DPP6: variants seen among roughly 807,000 people sequenced by gnomAD.
DPP6 encodes A-type potassium channel modulatory protein DPP6.
In DPP6, 69 loss-of-function variants were observed where a neutral mutation model predicts 122.6. The ratio of observed to expected loss-of-function variants is 0.56; its 90% CI spans 0.46 to 0.69. The LOEUF is 0.69. Ranked by LOEUF, DPP6 falls within the 30% of genes least tolerant of loss-of-function variation. The pLI, the probability that DPP6 is intolerant of heterozygous loss-of-function variation, is 0.00. For synonymous variants in DPP6, 418 were observed against 433.1 expected, an observed-to-expected ratio of 0.97 and a Z score of 0.43; for missense variants, 928 against 1,116.9, an observed-to-expected ratio of 0.83 and a Z score of 2.41.
intron 1 of DPP6, among the ~76,000 whole-genome samples, chr7:154,356,599 T>G (rs1811288201): frequency 1.3e-5 from 2 of 151,910 alleles, no homozygotes; most frequent in African/African-American, 4.8e-5. Flanking sequence ...AAATTCTAAC[T>G]TATTATATCA....
chr7:154,075,431 A>T (rs1488069605), intron 1 of DPP6, among the ~76,000 whole-genome samples: 1 of 151,992 alleles, frequency 6.6e-6, no homozygotes, highest in Non-Finnish European at 1.5e-5. Flanking sequence ...CAAGGAGTAG[A>T]GAAAGAAAAT....
the DPP6 span, among the ~76,000 whole-genome samples, chr7:153,852,893 T>C: frequency 6.6e-5 from 10 of 152,178 alleles, no homozygotes; most frequent in Admixed American, 1.3e-4. Context: ...TGATAAATAC[T>C]ATTTTAGGCC....
intron 5 of DPP6, among the ~76,000 whole-genome samples, chr7:154,583,056 G>C (rs1832185525): frequency 6.6e-6 from 1 of 152,170 alleles, no homozygotes; most frequent in Non-Finnish European, 1.5e-5. Context: ...TGCTGCCCCT[G>C]AGCCCACTGG....
At chr7:154,694,891 C>T (rs754564041) in intron 7 of DPP6, among the ~76,000 whole-genome samples, 1 of 152,116 alleles carries the variant, frequency 6.6e-6, no homozygotes, top group South Asian at 2.1e-4. Flanking sequence ...ACCTTCTCCT[C>T]GTGCCACACA....
At chr7:154,497,287 A>G (rs893158902) in intron 3 of DPP6, among the ~76,000 whole-genome samples, 6 of 152,118 alleles carry the variant, frequency 3.9e-5, no homozygotes, top group Non-Finnish European at 8.8e-5. Flanking sequence ...GGTGAGAAGA[A>G]GGGAGTGTTG....
chr7:154,868,968 A>G (rs1253673004), intron 18 of DPP6, among the ~76,000 whole-genome samples: 1 of 152,226 alleles, frequency 6.6e-6, no homozygotes, highest in Non-Finnish European at 1.5e-5. Flanking sequence ...TCATTCATGC[A>G]GACACCACTT....
chr7:154,071,433 C>T (rs1172977921), intron 1 of DPP6, among the ~76,000 whole-genome samples: 4 of 152,246 alleles, frequency 2.6e-5, no homozygotes, highest in East Asian at 1.9e-4. Context: ...TTTCTAAAGC[C>T]GTATTCCTTC....
At chr7:153,843,927 A>AT in the DPP6 span, among the ~76,000 whole-genome samples, 1 of 152,174 alleles carries the variant, frequency 6.6e-6, no homozygotes, top group East Asian at 1.9e-4. Flanking sequence ...GAGGCCTAGA[A>AT]GAGCTGCGGC....
chr7:153,899,193 T>TCTCCTC (rs796084342), intron 1 of DPP6, among the ~76,000 whole-genome samples: 1 of 151,090 alleles, frequency 6.6e-6, no homozygotes, highest in South Asian at 2.1e-4. Flanking sequence ...TCCTCTTCCT[T>TCTCCTC]CTCCTCCTCC....
chr7:154,138,482 C>G lies in DPP6; in HGVS notation c.243+85419C>G, dbSNP rs1206638480. ...AGACTAATTCTGCTCAAGAACAGCT[C>G]AAATGGAAAGCTCAGATCCACAGGG... On this transcript the variant is annotated intron_variant, in intron 1 of 25. Transcript: ENST00000377770. Among the ~76,000 whole-genome samples the G allele has an allele frequency of 3.3e-5, 5 of 152,144 alleles. No individual in the cohort carries two copies. In the South Asian group the frequency reaches 6.2e-4, roughly 19 times the overall value.
chr7:153,892,168 G>C (rs568802281), intron 1 of DPP6, among the ~76,000 whole-genome samples: 1 of 152,104 alleles, frequency 6.6e-6, no homozygotes, highest in Non-Finnish European at 1.5e-5. Flanking sequence ...GTTCTCTTTC[G>C]GGCATTTGAC....
At chr7:154,679,167 A>G (rs59812878) in intron 7 of DPP6, among the ~76,000 whole-genome samples, 16,233 of 152,082 alleles carry the variant, frequency 0.11, 939 homozygotes, top group East Asian at 0.15. Flanking sequence ...CACCATCCAC[A>G]GTGTACCTGT....
chr7:154,142,485 T>G (rs2150664945), intron 1 of DPP6, among the ~76,000 whole-genome samples: 1 of 152,290 alleles, frequency 6.6e-6, no homozygotes, highest in South Asian at 2.1e-4. Flanking sequence ...TTTTGTTAGG[T>G]TGGGGGCAGG....
intron 5 of DPP6, among the ~76,000 whole-genome samples, chr7:154,623,529 A>C (rs1464063852): frequency 6.6e-6 from 1 of 152,156 alleles, no homozygotes; most frequent in African/African-American, 2.4e-5. Context: ...AGGGGAGAGG[A>C]TTTTACAAAC....
At chr7:154,397,528 T>C (rs550343168) in intron 1 of DPP6, among the ~76,000 whole-genome samples, 1 of 152,334 alleles carries the variant, frequency 6.6e-6, no homozygotes, top group East Asian at 1.9e-4. Context: ...TAAAATATTA[T>C]CCATGTTGTG....
chr7:153,904,839 A>C (rs528850702), intron 1 of DPP6, among the ~76,000 whole-genome samples: 1 of 152,234 alleles, frequency 6.6e-6, no homozygotes, highest in African/African-American at 2.4e-5. Context: ...CTGAAAATCA[A>C]CTGATGAAAG....
intron 7 of DPP6, among the ~76,000 whole-genome samples, chr7:154,723,020 G>A (rs1030233708): frequency 5.9e-5 from 9 of 152,092 alleles, no homozygotes; most frequent in African/African-American, 1.9e-4. Context: ...CAGCACTTTG[G>A]GAGGCTGAGG....
chr7:154,587,870 A>G, intron 5 of DPP6: 2 of 1,612,882 alleles, frequency 1.2e-6, no homozygotes, highest in Non-Finnish European at 1.7e-6. Context: ...CCTGTTTCAG[A>G]TATTCCATGG....
At chr7:154,356,512 G>A (rs1811278141) in intron 1 of DPP6, among the ~76,000 whole-genome samples, 1 of 152,016 alleles carries the variant, frequency 6.6e-6, no homozygotes, top group African/African-American at 2.4e-5. Flanking sequence ...AGGTTGTAGT[G>A]AGCTGTGATT....
Sources: allele counts gnomAD v4.1 joint callset (sites outside exome capture counted in the v4.1 genomes callset), GRCh38; gene constraint gnomAD v4.1.1; transcripts MANE v1.5; gene names NCBI Gene and HGNC (gene_info 2026-07-23, HGNC 2026-07-21).